The following HERC2 variants were observed in gnomAD, a reference collection of about 807,000 sequenced individuals.
HERC2 encodes HECT and RLD domain containing E3 ubiquitin protein ligase 2, also known as E3 ubiquitin-protein ligase HERC2.
HERC2 carries 102 observed loss-of-function variants against 537.7 expected under a neutral mutation model. That is an observed-to-expected ratio of 0.19 (90% CI 0.16 to 0.22). The LOEUF (loss-of-function observed/expected upper bound fraction) is 0.22. HERC2 is among the 10% of genes least tolerant of loss of function. The pLI is 1.00. For missense variants in HERC2, 4,236 were observed against 6,198.2 expected, an observed-to-expected ratio of 0.68 and a Z score of 10.63; for synonymous variants, 2,224 against 2,466.2, an observed-to-expected ratio of 0.90 and a Z score of 2.91.
chr15:28,275,084 G>C, intron 5 of HERC2, 79 bp from the exon 6 acceptor site: 1 of 813,770 alleles, frequency 1.2e-6, no homozygotes, highest in Non-Finnish European at 2.0e-6. Context: ...TACTATGAAA[G>C]GGTGTGTACC....
chr15:28,238,406 A>C (rs1902685400), intron 24 of HERC2, among the ~76,000 whole-genome samples, 189 bp from the exon 25 acceptor site: 1 of 152,212 alleles, frequency 6.6e-6, no homozygotes, highest in Non-Finnish European at 1.5e-5. Flanking sequence ...TCCAAGTATT[A>C]AAACAAAAAA....
chr15:28,255,391 C>A (rs2140890214), intron 19 of HERC2, among the ~76,000 whole-genome samples: 1 of 152,218 alleles, frequency 6.6e-6, no homozygotes, highest in Non-Finnish European at 1.5e-5. Flanking sequence ...GGAGAATGAA[C>A]AAACAGTACT....
chr15:28,158,486 T>C (rs139738926), intron 69 of HERC2, among the ~76,000 whole-genome samples: 11,604 of 152,288 alleles, frequency 0.076, 1,526 homozygotes, highest in African/African-American at 0.27. Context: ...TTTACCATTA[T>C]GTAATGGCCT....
chr15:28,238,852 C>T, intron 23 of HERC2, 80 bp from the exon 24 acceptor site: 3 of 1,063,324 alleles, frequency 2.8e-6, no homozygotes, highest in Admixed American at 1.7e-5. Flanking sequence ...GAAAGAACTA[C>T]AAGCAGAAAT....
chr15:28,257,070 T>G lies in HERC2; in HGVS notation c.2508A>C (p.Leu836=). Reference sequence around the variant, plus strand: ...GGGAAATCATGAATACCTGAAGTCGTAGAAGATTCAGCGTTGCCACGGCCA... The same window carrying G: ...GGGAAATCATGAATACCTGAAGTCGGAGAAGATTCAGCGTTGCCACGGCCA... ...ECVAVATLNL[L]RLQLHAAISH... is the part of the protein sequence containing the mutation. Residue 836 remains leucine (L), a synonymous_variant, in exon 17 of 93, where the codon CTA becomes CTC. Coordinates refer to ENST00000261609, the MANE Select transcript of HERC2 (RefSeq NM_004667.6). 3 of 1,613,404 alleles carry G rather than the reference T, an allele frequency of 1.9e-6. No individual in the cohort carries two copies. The highest frequency in any genetic ancestry group is 2.5e-6 in the Non-Finnish European group (3 of 1,179,408).
At chr15:28,307,683 T>A (rs1210089309) in intron 2 of HERC2, among the ~76,000 whole-genome samples, 5 of 152,248 alleles carry the variant, frequency 3.3e-5, no homozygotes, top group African/African-American at 1.2e-4. Context: ...TTTTTAGTTA[T>A]AGTCCATGTG....
At chr15:28,255,205 C>T (rs1183878382) in intron 19 of HERC2, among the ~76,000 whole-genome samples, 1 of 152,120 alleles carries the variant, frequency 6.6e-6, no homozygotes, top group African/African-American at 2.4e-5. Flanking sequence ...GGCATGGTGA[C>T]ATGTCTGTGG....
At position 28,143,896 on chromosome 15, in the gene HERC2, T is replaced by A. The variant is rs936831121; in HGVS notation, c.11395A>T (p.Asn3799Tyr). 1.9e-6 allele frequency: 3 copies of A among 1,614,158 alleles called. No homozygotes were observed. Among genetic ancestry groups the A allele is most frequent in the Non-Finnish European group, 2.5e-6 (3 of 1,180,034 alleles). ...SININRLLGENDGETRALSFT... is the reference protein window; with the variant it reads ...SININRLLGEYDGETRALSFT... Reference sequence around the variant, plus strand: ...ACCAAAGCTCTTGTTTCCCCATCATTTTCTCCAAGCAGCCTATTTATGTTA... The same window carrying A: ...ACCAAAGCTCTTGTTTCCCCATCATATTCTCCAAGCAGCCTATTTATGTTA... Residue 3799 changes from asparagine to tyrosine, a missense_variant, in exon 74 of 93, where the codon AAT (asparagine) becomes TAT (tyrosine). Asn to Tyr is a moderately radical substitution (Grantham distance 143). Around this residue, in one of 27 missense-constraint regions of HERC2, gnomAD observed 109 missense variants for 133.5 expected, o/e 0.82. Transcript: ENST00000261609.
chr15:28,130,352 C>A (rs994434623), intron 82 of HERC2, 50 bp from the exon 83 acceptor site: 1 of 1,611,654 alleles, frequency 6.2e-7, no homozygotes, highest in Non-Finnish European at 8.5e-7. Context: ...ATCTCACTGA[C>A]CACCCTGACC....
rs568614830 is a variant in HERC2 at position 28,250,582 on chromosome 15, A to G, written c.3051-1846T>C. On this transcript the variant is annotated intron_variant, in intron 20 of 92. Coordinates refer to ENST00000261609, the MANE Select transcript of HERC2 (RefSeq NM_004667.6). ...AAATGGTATTCTGTGGCTCCTCGCC[A>G]GCATGTAAATAACGATCTACTCTGA... Among the ~76,000 whole-genome samples the G allele has an allele frequency of 1.9e-4, 29 of 152,330 alleles. No homozygotes were observed. The East Asian group carries it at 5.6e-3, about 29-fold the overall frequency.
chr15:28,210,227 G>A lies in HERC2; in HGVS notation c.7069+775C>T, dbSNP rs187326346. On this transcript the variant is annotated intron_variant, in intron 44 of 92. Coordinates refer to ENST00000261609, the MANE Select transcript of HERC2 (RefSeq NM_004667.6). ...CGGCTCACTGTAAGCTCCGCCTCCC[G>A]GATTCATGCCATTCTCCTGCGTCAG... Among the ~76,000 whole-genome samples, 1,009 of 152,054 alleles carry A rather than the reference G, an allele frequency of 6.6e-3. 7 individuals carry two copies. Among genetic ancestry groups the A allele is most frequent in the Non-Finnish European group, 0.01 (697 of 67,976 alleles).
chr15:28,274,878 A>C (rs1329933258), intron 6 of HERC2, 27 bp downstream of exon 6: 1 of 1,572,058 alleles, frequency 6.4e-7, no homozygotes, highest in Non-Finnish European at 8.7e-7. Context: ...AGGGAAGCAG[A>C]ACAACGCGCC....
intron 31 of HERC2, 82 bp from the exon 32 acceptor site, chr15:28,229,929 T>C: frequency 3.4e-6 from 3 of 880,456 alleles, no homozygotes; most frequent in Non-Finnish European, 5.5e-6. Context: ...AAGTAAAATA[T>C]AAATAATGCT....
At chr15:28,151,591 A>G (rs1425946739) in intron 70 of HERC2, among the ~76,000 whole-genome samples, 8 of 152,170 alleles carry the variant, frequency 5.3e-5, no homozygotes, top group Non-Finnish European at 8.8e-5. Flanking sequence ...CCTACAAAAA[A>G]CCGAGGACAC....
chr15:28,256,677 C>T (rs967368323), intron 17 of HERC2, among the ~76,000 whole-genome samples: 1 of 152,226 alleles, frequency 6.6e-6, no homozygotes, highest in African/African-American at 2.4e-5. Context: ...TCACTGCAAG[C>T]TCTGCCTCCC....
At position 28,130,617 on chromosome 15, in the gene HERC2, TAGAC is replaced by T. The variant is rs768682478; in HGVS notation, c.12571-27_12571-24del. ...AATCTAGAGGGGGAAAAGGTTCAAT[TAGAC>T]AGACAGCAACAAGGCTCCTGCTGAC... On this transcript the variant is annotated intron_variant, in intron 81 of 92. Transcript: ENST00000261609. 23 of 1,528,128 alleles carry T rather than the reference TAGAC, an allele frequency of 1.5e-5. No homozygotes were observed. In the Middle Eastern group the frequency reaches 8.4e-4, roughly 56 times the overall value. 94.7% of individuals were successfully genotyped at this position (1,528,128 alleles called of 1,614,324 possible).
chr15:28,256,855 A>C (rs1383846393), intron 17 of HERC2, among the ~76,000 whole-genome samples: 1 of 152,192 alleles, frequency 6.6e-6, no homozygotes, highest in Non-Finnish European at 1.5e-5. Flanking sequence ...AGGCCTCCCA[A>C]AAGTGCTGGG....
At chr15:28,278,843 G>A (rs2075948702) in intron 5 of HERC2, among the ~76,000 whole-genome samples, 2 of 151,732 alleles carry the variant, frequency 1.3e-5, no homozygotes, top group Non-Finnish European at 1.5e-5. Context: ...CAGTCTTGTA[G>A]TTTAACCTTC....
At chr15:28,196,168 T>C in intron 52 of HERC2, 47 bp downstream of exon 52, 6 of 1,326,702 alleles carry the variant, frequency 4.5e-6, no homozygotes, top group Non-Finnish European at 6.3e-6. Context: ...ACAATAAGTA[T>C]TTCATTAATA....
Sources: gnomAD v4.1 joint callset for allele counts (sites outside exome capture counted in the v4.1 genomes callset) on GRCh38, gnomAD v4.1.1 for gene constraint, gnomAD v4.1.1 regional missense constraint, MANE v1.5 for transcripts, NCBI Gene and HGNC (gene_info 2026-07-23, HGNC 2026-07-21) for gene names.